The following CNTLN variants were observed in gnomAD, a reference collection of about 807,000 sequenced individuals.
CNTLN encodes the protein centlein, centrosomal protein.
CNTLN carries 212 observed loss-of-function variants against 180.0 expected under a neutral mutation model. The ratio of observed to expected loss-of-function variants is 1.18; its 90% confidence interval spans 1.05 to 1.32. CNTLN has a LOEUF of 1.32. CNTLN is among the 40% of genes most tolerant of loss of function. CNTLN has a pLI of 0.00. For synonymous variants in CNTLN, 722 were observed against 563.1 expected (o/e 1.28, Z -3.99); for missense variants, 2,095 against 1,610.9 (o/e 1.30, Z -5.14).
intron 12 of CNTLN, among the ~76,000 whole-genome samples, chr9:17,356,011 C>T (rs187503955): frequency 6.7e-6 from 1 of 148,346 alleles, no homozygotes; most frequent in Non-Finnish European, 1.5e-5. Context: ...TTGCAGTGAG[C>T]CGAGATCACG....
At chr9:17,479,581 G>A (rs1440593696) in intron 23 of CNTLN, among the ~76,000 whole-genome samples, 3 of 152,124 alleles carry the variant, frequency 2.0e-5, no homozygotes, top group Admixed American at 6.5e-5. Flanking sequence ...AAAGTTTCAA[G>A]CAAGATGAAT....
At chr9:17,428,360 C>T (rs922749980) in intron 18 of CNTLN, among the ~76,000 whole-genome samples, 2 of 152,126 alleles carry the variant, frequency 1.3e-5, no homozygotes, top group South Asian at 2.1e-4. Context: ...ATCTTCTAAG[C>T]ACTTTGTGTG....
intron 2 of CNTLN, among the ~76,000 whole-genome samples, chr9:17,149,161 G>A (rs560260121): frequency 6.6e-6 from 1 of 152,220 alleles, no homozygotes; most frequent in African/African-American, 2.4e-5. Context: ...CCTTTTTTAT[G>A]TCTGCATAGT....
chr9:17,224,441 AAT>A (rs1824334960), intron 2 of CNTLN, among the ~76,000 whole-genome samples: 1 of 152,022 alleles, frequency 6.6e-6, no homozygotes, highest in Non-Finnish European at 1.5e-5. Context: ...TACCTCCTGA[AAT>A]ATTGCTTTAT....
Position 17,135,141 on chromosome 9 carries a change from G to A in CNTLN, c.76G>A (p.Gly26Arg). ...RQLGPRSPRV[G>R]RGAEVHAMRS... ...GCTGGGCCCCAGGTCCCCACGTGTT[G>A]GGCGGGGAGCTGAAGTACACGCAAT... Residue 26 changes from glycine to arginine, a missense_variant, in exon 1 of 26, where the codon GGG (glycine) becomes AGG (arginine). Coordinates refer to ENST00000380647, the MANE Select transcript of CNTLN (RefSeq NM_017738.4). The A allele has an allele frequency of 6.2e-7, 1 of 1,608,148 alleles. No individual in the cohort carries two copies. The highest frequency in any genetic ancestry group is 8.5e-7 in the Non-Finnish European group (1 of 1,178,158).
At chr9:17,180,637 TCTTC>T (rs1008874027) in intron 2 of CNTLN, among the ~76,000 whole-genome samples, 1 of 152,124 alleles carries the variant, frequency 6.6e-6, no homozygotes, top group South Asian at 2.1e-4. Flanking sequence ...CTCTTTTCCT[TCTTC>T]CTTCTTGATG....
chr9:17,356,877 C>T (rs1822891048), intron 12 of CNTLN, among the ~76,000 whole-genome samples: 1 of 152,148 alleles, frequency 6.6e-6, no homozygotes, highest in South Asian at 2.1e-4. Context: ...TCCACTTTTT[C>T]CCCTTTCTGT....
chr9:17,330,870 G>C, intron 9 of CNTLN, 62 bp downstream of exon 9: 3 of 1,433,206 alleles, frequency 2.1e-6, no homozygotes, highest in Non-Finnish European at 2.8e-6. Context: ...AAGAGATGAA[G>C]TTAAAAAACA....
rs191726495 is a variant in CNTLN, at chr9:17,404,182, A to G, written c.2616-5111A>G. ...TCAAAGGCAACTGGCTGTATACGAC[A>G]GTAGATGATCAATAGGCTCCGTTAT... On this transcript the variant is annotated intron_variant, in intron 15 of 25. Transcript: ENST00000380647. Among the ~76,000 whole-genome samples, 329 of 151,980 alleles carry G rather than the reference A, an allele frequency of 2.2e-3. 11 individuals are homozygous for G. Among genetic ancestry groups the G allele is most frequent in the African/African-American group, 7.6e-3 (312 of 41,244 alleles).
chr9:17,177,584 T>G (rs553516824), intron 2 of CNTLN, among the ~76,000 whole-genome samples: 1 of 152,118 alleles, frequency 6.6e-6, no homozygotes, highest in Non-Finnish European at 1.5e-5. Context: ...GTTCGGAGTT[T>G]CTTCCTTCTG....
intron 25 of CNTLN, among the ~76,000 whole-genome samples, chr9:17,499,369 TAACTTGAAA>T (rs1215686977): frequency 6.6e-6 from 1 of 152,210 alleles, no homozygotes; most frequent in Non-Finnish European, 1.5e-5. Context: ...AATAGCCAGT[TAACTTGAAA>T]ATTCCACTCT....
At chr9:17,389,144 A>G (rs1256332006) in intron 14 of CNTLN, among the ~76,000 whole-genome samples, 1 of 152,070 alleles carries the variant, frequency 6.6e-6, no homozygotes, top group Non-Finnish European at 1.5e-5. Context: ...TTTACAGCAG[A>G]TAATGTGATT....
intron 2 of CNTLN, among the ~76,000 whole-genome samples, chr9:17,211,663 A>G (rs1285221965): frequency 1.3e-5 from 2 of 152,048 alleles, no homozygotes; most frequent in East Asian, 1.9e-4. Flanking sequence ...CCATTTTCAC[A>G]ATATTGATTC....
chr9:17,357,238 T>C (rs1001262112), intron 12 of CNTLN, among the ~76,000 whole-genome samples: 9 of 150,240 alleles, frequency 6.0e-5, no homozygotes, highest in Non-Finnish European at 1.3e-4. Context: ...TACCACATTT[T>C]GTTTATTCAG....
intron 18 of CNTLN, among the ~76,000 whole-genome samples, chr9:17,453,972 A>T (rs1588033773): frequency 6.6e-6 from 1 of 152,132 alleles, no homozygotes; most frequent in African/African-American, 2.4e-5. Context: ...AGGGACGCTG[A>T]CCCTAATTAC....
intron 18 of CNTLN, among the ~76,000 whole-genome samples, chr9:17,438,922 A>G (rs1032030288): frequency 6.6e-6 from 1 of 152,226 alleles, no homozygotes; most frequent in African/African-American, 2.4e-5. Flanking sequence ...GAAAGGGAAA[A>G]GCAAGAGAAA....
At chr9:17,398,209 G>C (rs1826684542) in intron 15 of CNTLN, among the ~76,000 whole-genome samples, 1 of 152,150 alleles carries the variant, frequency 6.6e-6, no homozygotes, top group South Asian at 2.1e-4. Context: ...GCAAATTAAA[G>C]AAAGAGAAGT....
At chr9:17,368,689 A>G (rs1564036357) in intron 13 of CNTLN, among the ~76,000 whole-genome samples, 1 of 152,210 alleles carries the variant, frequency 6.6e-6, no homozygotes, top group Non-Finnish European at 1.5e-5. Context: ...AGGAAAGAAA[A>G]CAAGAGTCTC....
intron 8 of CNTLN, among the ~76,000 whole-genome samples, chr9:17,309,694 A>T (rs893339431): frequency 6.6e-6 from 1 of 152,044 alleles, no homozygotes; most frequent in Admixed American, 6.6e-5. Flanking sequence ...TGGACAGGTC[A>T]TGTAACCTTT....
Sources: gnomAD v4.1 joint callset for allele counts (sites outside exome capture counted in the v4.1 genomes callset) on GRCh38, gnomAD v4.1.1 for gene constraint, MANE v1.5 for transcripts, NCBI Gene and HGNC (gene_info 2026-07-23, HGNC 2026-07-21) for gene names.